Variants in LRP1B observed in about 807,000 individuals in gnomAD.
LRP1B encodes the protein LDL receptor related protein 1B.
Under a neutral mutation model 556.6 loss-of-function variants are expected in LRP1B, and 217 were observed. The ratio of observed to expected loss-of-function variants is 0.39; its 90% CI spans 0.35 to 0.44. LRP1B has a LOEUF of 0.44. Ranked by LOEUF, LRP1B falls within the 20% of genes least tolerant of loss-of-function variation. The pLI is 1.00. For missense variants in LRP1B, 5,053 were observed against 5,620.8 expected, an observed-to-expected ratio of 0.90 and a Z score of 3.23; for synonymous variants, 2,047 against 1,865.8, an observed-to-expected ratio of 1.10 and a Z score of -2.50.
chr2:141,544,296 C>CACT (rs1685378741), intron 2 of LRP1B, among the ~76,000 whole-genome samples: 1 of 78,300 alleles, frequency 1.3e-5, no homozygotes, highest in Non-Finnish European at 2.6e-5. Context: ...AAATTTACCA[C>CACT]TCTTCTTCTT....
intron 59 of LRP1B, among the ~76,000 whole-genome samples, chr2:140,479,754 G>T (rs1157083655): frequency 6.6e-6 from 1 of 152,136 alleles, no homozygotes; most frequent in East Asian, 1.9e-4. Flanking sequence ...GAACTGTTTG[G>T]ATAGATTTTA....
intron 1 of LRP1B, among the ~76,000 whole-genome samples, chr2:142,006,861 A>C (rs1031214105): frequency 6.6e-6 from 1 of 152,158 alleles, no homozygotes; most frequent in African/African-American, 2.4e-5. Flanking sequence ...ATTTTAGACT[A>C]TTTTTAACAT....
At chr2:141,339,298 C>CA (rs1687963492) in intron 3 of LRP1B, among the ~76,000 whole-genome samples, 2 of 56,504 alleles carry the variant, frequency 3.5e-5, no homozygotes, top group African/African-American at 1.5e-4. Flanking sequence ...CTTGGGGTAA[C>CA]GCAAAAAAAA....
In LRP1B at chr2:140,623,956, G is replaced by GTGTGTATATATATATATATATATATATA. The variant is rs1339496296; in HGVS notation, c.6800-22318_6800-22317insTATATATATATATATATATATATACACA. ...AAAATATATATTATATTTTATTTAT[G>GTGTGTATATATATATATATATATATATA]TATATATATATATATATAGCTTAGT... On this transcript the variant is annotated intron_variant, in intron 41 of 90. Coordinates refer to ENST00000389484, the MANE Select transcript of LRP1B (RefSeq NM_018557.3). Among the ~76,000 whole-genome samples the GTGTGTATATATATATATATATATATATA allele has an allele frequency of 2.6e-3, 273 of 106,408 alleles. 1 individual carries two copies. Among genetic ancestry groups the GTGTGTATATATATATATATATATATATA allele is most frequent in the South Asian group, 3.7e-3 (10 of 2,700 alleles). The allele number at this position is 106,408 out of a possible 152,430, so 69.8% of individuals were successfully genotyped here.
chr2:141,069,551 AC>A (rs1250875106), intron 7 of LRP1B, among the ~76,000 whole-genome samples: 5 of 151,838 alleles, frequency 3.3e-5, no homozygotes, highest in Non-Finnish European at 7.4e-5. Context: ...ATCCATCACT[AC>A]TTCCCCTTCC....
At chr2:140,789,304 G>C (rs1356237157) in intron 32 of LRP1B, among the ~76,000 whole-genome samples, 1 of 151,886 alleles carries the variant, frequency 6.6e-6, no homozygotes, top group African/African-American at 2.4e-5. Context: ...TACTTACCTG[G>C]GTCTTGGTGC....
intron 1 of LRP1B, among the ~76,000 whole-genome samples, chr2:141,862,266 C>G (rs1011230839): frequency 2.0e-5 from 3 of 152,164 alleles, no homozygotes; most frequent in Non-Finnish European, 4.4e-5. Context: ...AGAAACTTAT[C>G]TGAAACCTCA....
At chr2:140,823,498 T>C (rs1230350776) in intron 31 of LRP1B, among the ~76,000 whole-genome samples, 2 of 152,202 alleles carry the variant, frequency 1.3e-5, no homozygotes, top group East Asian at 1.9e-4. Context: ...CCAGCAACAA[T>C]AGGTTTGTAT....
Position 140,652,211 on chromosome 2 carries a change from AAC to A in LRP1B, c.6799+48037_6799+48038del, listed in dbSNP as rs530724293. On this transcript the variant is annotated intron_variant, in intron 41 of 90. Transcript: ENST00000389484. ...ATCTATAATTGATACAGTGAAAAAA[AAC>A]AGTTGTCATTTTCAAATATTGAATT... Among the ~76,000 whole-genome samples the A allele has an allele frequency of 2.8e-3, 430 of 152,186 alleles. 2 individuals are homozygous for A. Among genetic ancestry groups the A allele is most frequent in the African/African-American group, 0.01 (419 of 41,584 alleles).
intron 2 of LRP1B, among the ~76,000 whole-genome samples, chr2:141,616,911 C>T (rs955461709): frequency 6.6e-6 from 1 of 152,098 alleles, no homozygotes; most frequent in African/African-American, 2.4e-5. Flanking sequence ...CCTTCTTTCC[C>T]CTCCTCTTCA....
chr2:140,511,517 G>A (rs1363824516), intron 51 of LRP1B, among the ~76,000 whole-genome samples: 4 of 152,036 alleles, frequency 2.6e-5, no homozygotes, highest in African/African-American at 9.7e-5. Context: ...TAGCCAGAAT[G>A]GTCTCAATAT....
chr2:141,318,866 A>T (rs1280070366), intron 3 of LRP1B, among the ~76,000 whole-genome samples: 1 of 152,164 alleles, frequency 6.6e-6, no homozygotes, highest in Non-Finnish European at 1.5e-5. Context: ...ACTAAAAGAG[A>T]TGCCTATAGA....
chr2:141,660,268 A>C (rs10928118), intron 2 of LRP1B, among the ~76,000 whole-genome samples: 6,239 of 152,228 alleles, frequency 0.041, 222 homozygotes, highest in South Asian at 0.12. Context: ...GTGAGTGACC[A>C]TGCTACCCTG....
intron 70 of LRP1B, 78 bp downstream of exon 70, chr2:140,371,101 C>T (rs1049597456): frequency 2.0e-6 from 2 of 986,614 alleles, no homozygotes; most frequent in African/African-American, 1.7e-5. Context: ...AAGATTCTTT[C>T]TCTTTATTTT....
chr2:141,244,077 A>C (rs1203873080), intron 5 of LRP1B, among the ~76,000 whole-genome samples: 1 of 152,170 alleles, frequency 6.6e-6, no homozygotes, highest in African/African-American at 2.4e-5. Flanking sequence ...AGTAGGGAAG[A>C]GATCATGATA....
At chr2:140,879,635 CAG>C (rs1559171710) in intron 25 of LRP1B, among the ~76,000 whole-genome samples, 2 of 152,036 alleles carry the variant, frequency 1.3e-5, no homozygotes, top group African/African-American at 4.8e-5. Context: ...GCTATTTTAA[CAG>C]AATCATTTTT....
At chr2:140,663,878 A>G (rs948772475) in intron 41 of LRP1B, among the ~76,000 whole-genome samples, 7 of 152,106 alleles carry the variant, frequency 4.6e-5, no homozygotes, top group African/African-American at 7.2e-5. Flanking sequence ...CAGATTAGGG[A>G]CATGTGACTC....
chr2:140,773,514 T>G (rs1689389448), intron 33 of LRP1B, among the ~76,000 whole-genome samples: 1 of 151,960 alleles, frequency 6.6e-6, no homozygotes, highest in Non-Finnish European at 1.5e-5. Context: ...TTACATAGCC[T>G]TGATAATAGC....
intron 2 of LRP1B, among the ~76,000 whole-genome samples, chr2:141,606,804 T>A (rs1166754122): frequency 1.3e-5 from 2 of 152,132 alleles, no homozygotes; most frequent in Admixed American, 1.3e-4. Context: ...CAAATAAACT[T>A]CTGTTGTTTA....
Sources: allele counts gnomAD v4.1 joint callset (sites outside exome capture counted in the v4.1 genomes callset), GRCh38; gene constraint gnomAD v4.1.1; transcripts MANE v1.5; gene names NCBI Gene and HGNC (gene_info 2026-07-23, HGNC 2026-07-21).